Variants in TRHDE observed in about 807,000 individuals in gnomAD.
The protein encoded by TRHDE is thyrotropin releasing hormone degrading enzyme.
Under a neutral mutation model 125.7 loss-of-function variants are expected in TRHDE, and 72 were observed. The ratio of observed to expected loss-of-function variants is 0.57; its 90% CI spans 0.47 to 0.70. The LOEUF (loss-of-function observed/expected upper bound fraction) is 0.70, where lower values mean the gene tolerates loss of function less well. TRHDE is among the 30% of genes least tolerant of loss of function. The pLI is 0.00. For missense variants in TRHDE, 1,110 were observed against 1,327.1 expected (o/e 0.84, Z 2.54); for synonymous variants, 509 against 509.1 (o/e 1.00, Z 0.00).
chr12:72,087,921 C>T (rs1454181280), intron 1 of TRHDE, among the ~76,000 whole-genome samples: 1 of 151,936 alleles, frequency 6.6e-6, no homozygotes, highest in Non-Finnish European at 1.5e-5. Flanking sequence ...AGGATCTCTA[C>T]AAGGTTGAGT....
intron 17 of TRHDE, among the ~76,000 whole-genome samples, chr12:72,654,977 G>T (rs749034138): frequency 6.6e-6 from 1 of 152,072 alleles, no homozygotes; most frequent in African/African-American, 2.4e-5. Context: ...TATAATTTAA[G>T]CCCCTTAATA....
At chr12:72,565,953 T>C (rs1870421444) in intron 9 of TRHDE, among the ~76,000 whole-genome samples, 1 of 152,084 alleles carries the variant, frequency 6.6e-6, no homozygotes, top group Non-Finnish European at 1.5e-5. Flanking sequence ...TCCTAAGTTA[T>C]TTTTTCTAAT....
chr12:72,297,146 G>A (rs965250175), intron 2 of TRHDE, among the ~76,000 whole-genome samples: 6 of 152,150 alleles, frequency 3.9e-5, no homozygotes, highest in African/African-American at 1.4e-4. Context: ...GGCACACTTG[G>A]CCAGCAGTCA....
At chr12:72,616,617 T>C (rs1229149525) in intron 12 of TRHDE, among the ~76,000 whole-genome samples, 1 of 152,048 alleles carries the variant, frequency 6.6e-6, no homozygotes, top group African/African-American at 2.4e-5. Flanking sequence ...CTATCCAATT[T>C]TAGAGATGAA....
At chr12:72,427,423 A>G (rs1874236985) in intron 3 of TRHDE, among the ~76,000 whole-genome samples, 1 of 151,998 alleles carries the variant, frequency 6.6e-6, no homozygotes, top group Non-Finnish European at 1.5e-5. Context: ...TGTGTTTCAC[A>G]TTGTGTAGTA....
chr12:72,456,940 G>C (rs1419549727), intron 3 of TRHDE, among the ~76,000 whole-genome samples: 1 of 152,030 alleles, frequency 6.6e-6, no homozygotes, highest in Non-Finnish European at 1.5e-5. Flanking sequence ...TCATTGAATA[G>C]AAGCTCTCAG....
chr12:72,652,288 A>C, intron 15 of TRHDE, 34 bp from the exon 16 acceptor site: 1 of 1,368,144 alleles, frequency 7.3e-7, no homozygotes, highest in Non-Finnish European at 9.6e-7. Context: ...TAAGCTTTTA[A>C]TTAACAGAAA....
chr12:72,529,874 A>G (rs1868451027), intron 6 of TRHDE, among the ~76,000 whole-genome samples: 1 of 152,170 alleles, frequency 6.6e-6, no homozygotes. Flanking sequence ...AAAATATTAG[A>G]AGCAATAAAC....
At chr12:72,525,433 A>G (rs1220312307) in intron 6 of TRHDE, among the ~76,000 whole-genome samples, 1 of 152,142 alleles carries the variant, frequency 6.6e-6, no homozygotes, top group Non-Finnish European at 1.5e-5. Context: ...GAGATATTTA[A>G]TAGTAATTGG....
intron 5 of TRHDE, among the ~76,000 whole-genome samples, chr12:72,478,151 T>G (rs948249003): frequency 1.3e-5 from 2 of 152,162 alleles, no homozygotes; most frequent in Non-Finnish European, 2.9e-5. Context: ...GTGATCCAAA[T>G]GTTTTAATTT....
chr12:72,257,936 A>C (rs900067805), intron 2 of TRHDE: 1 of 152,180 alleles, frequency 6.6e-6, no homozygotes, highest in African/African-American at 2.4e-5. Flanking sequence ...CTATTTAATA[A>C]ATTTTAAGAA....
chr12:72,381,692 G>A (rs1872192826), intron 3 of TRHDE, among the ~76,000 whole-genome samples: 2 of 152,188 alleles, frequency 1.3e-5, no homozygotes, highest in South Asian at 4.1e-4. Flanking sequence ...CACCGCGCCC[G>A]GCCGAAAGTT....
intron 2 of TRHDE, among the ~76,000 whole-genome samples, chr12:72,145,786 G>C (rs1296640684): frequency 1.3e-5 from 2 of 152,242 alleles, no homozygotes; most frequent in East Asian, 1.9e-4. Flanking sequence ...TTCTAGTCCT[G>C]ATAATTAATT....
chr12:72,309,639 A>C (rs1403744885), intron 2 of TRHDE: 5 of 151,990 alleles, frequency 3.3e-5, no homozygotes, highest in African/African-American at 1.2e-4. Flanking sequence ...AGAGAAGTTT[A>C]TGTGTTGAGA....
At chr12:72,636,144 G>C (rs1012016856) in intron 15 of TRHDE, among the ~76,000 whole-genome samples, 1 of 152,228 alleles carries the variant, frequency 6.6e-6, no homozygotes, top group African/African-American at 2.4e-5. Context: ...AGCATGGAAT[G>C]TTCTTCCATG....
chr12:72,275,021 A>C (rs1039737367), intron 1 of TRHDE: 2 of 152,382 alleles, frequency 1.3e-5, no homozygotes, highest in Middle Eastern at 3.4e-3. Context: ...TTAAACCAAC[A>C]ACTTTAGAAG....
At chr12:72,486,405 G>C (rs541989785) in intron 5 of TRHDE, among the ~76,000 whole-genome samples, 1 of 152,104 alleles carries the variant, frequency 6.6e-6, no homozygotes, top group Non-Finnish European at 1.5e-5. Context: ...GACACCAAGA[G>C]AGATCCCCTC....
chr12:72,516,373 T>C (rs893350439), intron 6 of TRHDE, among the ~76,000 whole-genome samples: 13 of 152,226 alleles, frequency 8.5e-5, no homozygotes, highest in African/African-American at 3.1e-4. Flanking sequence ...CCTTGTAAGT[T>C]CAATTCCTAG....
chr12:72,512,688 T>C (rs1878661107), intron 6 of TRHDE, among the ~76,000 whole-genome samples: 1 of 146,478 alleles, frequency 6.8e-6, no homozygotes, highest in African/African-American at 2.5e-5. Flanking sequence ...AGATTTTTTA[T>C]AGATTTTTCA....
Sources: allele counts gnomAD v4.1 joint callset (sites outside exome capture counted in the v4.1 genomes callset), GRCh38; gene constraint gnomAD v4.1.1; transcripts MANE v1.5; gene names NCBI Gene and HGNC (gene_info 2026-07-23, HGNC 2026-07-21).